Variants in KCNN3 observed in about 807,000 individuals in gnomAD.
KCNN3 encodes small conductance calcium-activated potassium channel protein 3.
Under a neutral mutation model 62.9 loss-of-function variants are expected in KCNN3, and 16 were observed. The observed-to-expected ratio is 0.25, with a 90% CI of 0.17 to 0.39. KCNN3 has a LOEUF of 0.39. Among genes scored for constraint, KCNN3 ranks in the 10% least tolerant of loss-of-function variants. KCNN3 has a pLI of 1.00. For synonymous variants in KCNN3, 370 were observed against 389.2 expected, an observed-to-expected ratio of 0.95 and a Z score of 0.58; for missense variants, 599 against 949.4, an observed-to-expected ratio of 0.63 and a Z score of 4.85.
chr1:154,760,208 T>C (rs1272617414), intron 3 of KCNN3, among the ~76,000 whole-genome samples: 1 of 151,828 alleles, frequency 6.6e-6, no homozygotes, highest in East Asian at 1.9e-4. Context: ...TTCTCCTTTC[T>C]AAGAGATATC....
At chr1:154,760,876 C>CGCGAAGAAGCACTCCGGCCCT (rs1323913697) in intron 3 of KCNN3, among the ~76,000 whole-genome samples, 26 of 152,100 alleles carry the variant, frequency 1.7e-4, no homozygotes, top group Non-Finnish European at 3.2e-4. Flanking sequence ...ACTCCGGCCC[C>CGCGAAGAAGCACTCCGGCCCT]GCAAAGGCGC....
chr1:154,797,602 G>A (rs1023975865), intron 2 of KCNN3, among the ~76,000 whole-genome samples: 1 of 152,268 alleles, frequency 6.6e-6, no homozygotes, highest in East Asian at 1.9e-4. Flanking sequence ...GCCTGTCCCT[G>A]TGCCTTCCCA....
chr1:154,731,994 C>A (rs113694228), intron 4 of KCNN3, among the ~76,000 whole-genome samples: 11 of 152,314 alleles, frequency 7.2e-5, no homozygotes, highest in African/African-American at 1.9e-4. Flanking sequence ...CAATGAGGCC[C>A]AGGGAACACT....
At position 154,851,124 on chromosome 1, in the gene KCNN3, G is replaced by A. The variant is rs770685047; in HGVS notation, c.933+17908C>T. ...CTCCCGAGTAGCTGGGACTACAGGC[G>A]TGCACCACCATGCCCGGCTAATTTT... is the stretch of plus-strand genomic sequence containing the variant. On this transcript the variant is annotated intron_variant, in intron 1 of 7. Transcript: ENST00000271915. 3.9e-4 allele frequency among the ~76,000 whole-genome samples: 59 copies of A among 152,100 alleles called. 1 individual carries two copies. The highest frequency in any genetic ancestry group is 7.4e-4 in the Non-Finnish European group (50 of 68,016).
At chr1:154,737,803 C>G (rs941142298) in intron 3 of KCNN3, among the ~76,000 whole-genome samples, 1 of 152,146 alleles carries the variant, frequency 6.6e-6, no homozygotes, top group Non-Finnish European at 1.5e-5. Flanking sequence ...GTGCCTGTAT[C>G]CCCCAGCTGC....
At chr1:154,795,812 G>C (rs998167360) in intron 2 of KCNN3, among the ~76,000 whole-genome samples, 5 of 152,152 alleles carry the variant, frequency 3.3e-5, no homozygotes, top group African/African-American at 1.2e-4. Context: ...GGGCACAGGG[G>C]ACTCCAGGGT....
At chr1:154,722,418 C>T (rs373812586) in intron 5 of KCNN3, among the ~76,000 whole-genome samples, 3 of 142,956 alleles carry the variant, frequency 2.1e-5, no homozygotes, top group African/African-American at 5.2e-5. Context: ...GATGGAGTCT[C>T]GCTCAGTTGC....
rs564861358 is a variant in KCNN3 at position 154,708,144 on chromosome 1, G to A, written c.2028C>T (p.Leu676=). The A allele has an allele frequency of 5.0e-5, 81 of 1,613,776 alleles. No homozygotes were observed. In the South Asian group the frequency reaches 7.5e-4, roughly 15 times the overall value. ...LTASFNSLPL[L]IADTLRQQQQ... ...GCTGCTGGCGCAGGGTGTCGGCGAT[G>A]AGCAGCGGCAGGGAGTTGAAGCTGG... The change falls in exon 8 of 8, where the codon CTC becomes CTT. Residue 676 remains leucine, a synonymous_variant. Coordinates refer to ENST00000271915, the MANE Select transcript of KCNN3 (RefSeq NM_002249.6).
chr1:154,721,553 G>A (rs532450496), intron 5 of KCNN3, among the ~76,000 whole-genome samples: 172 of 152,072 alleles, frequency 1.1e-3, no homozygotes, highest in Non-Finnish European at 1.8e-3. Flanking sequence ...CGCCCACGTC[G>A]GCCTCGCAAA....
intron 2 of KCNN3, among the ~76,000 whole-genome samples, chr1:154,810,456 C>CAG (rs879930598): frequency 0.29 from 44,738 of 151,744 alleles, 8,722 homozygotes; most frequent in African/African-American, 0.57. Context: ...CCTAGCCTTC[C>CAG]TTGGGATCAG....
chr1:154,868,909 T>G, intron 1 of KCNN3, 123 bp downstream of exon 1: 1 of 866,316 alleles, frequency 1.2e-6, no homozygotes. Flanking sequence ...AATCTCTCTC[T>G]CTCTCTCTCT....
rs1352144975 is a variant in KCNN3 at position 154,710,294 on chromosome 1, CT to C, written c.1900-2023del. Among the ~76,000 whole-genome samples the C allele has an allele frequency of 6.6e-5, 10 of 152,316 alleles. No homozygotes were observed. The East Asian group carries it at 1.7e-3, about 26-fold the overall frequency. ...GAGAACACAGCGTTATTGTCTCCCC[CT>C]GTTCCGTTGCTTGGTGACAGGATGC... On this transcript the variant is annotated intron_variant, in intron 7 of 7. Coordinates refer to ENST00000271915, the MANE Select transcript of KCNN3 (RefSeq NM_002249.6).
intron 2 of KCNN3, among the ~76,000 whole-genome samples, chr1:154,805,348 C>A (rs956444789): frequency 2.6e-5 from 4 of 152,160 alleles, no homozygotes; most frequent in Non-Finnish European, 4.4e-5. Flanking sequence ...AAAATCGCCT[C>A]TATTCAATGC....
intron 2 of KCNN3, among the ~76,000 whole-genome samples, chr1:154,786,760 C>T (rs2101857149): frequency 6.6e-6 from 1 of 152,222 alleles, no homozygotes; most frequent in Non-Finnish European, 1.5e-5. Flanking sequence ...TGATTTTTTT[C>T]CTTTTGATAA....
At chr1:154,775,575 CA>C (rs1648755105) in intron 2 of KCNN3, among the ~76,000 whole-genome samples, 1 of 133,114 alleles carries the variant, frequency 7.5e-6, no homozygotes, top group African/African-American at 2.7e-5. Flanking sequence ...GCCCCCCACC[CA>C]CCCACCCATG....
intron 5 of KCNN3, 106 bp from the exon 6 acceptor site, chr1:154,715,109 T>C: frequency 1.5e-6 from 2 of 1,377,938 alleles, no homozygotes; most frequent in Admixed American, 1.7e-5. Flanking sequence ...TTTGCAATGA[T>C]CTATTTTCTT....
At chr1:154,722,849 A>C (rs1700385538) in intron 5 of KCNN3, among the ~76,000 whole-genome samples, 1 of 151,432 alleles carries the variant, frequency 6.6e-6, no homozygotes, top group Non-Finnish European at 1.5e-5. Context: ...CTCCTGCCTC[A>C]GCCTCCTGAG....
chr1:154,812,512 G>T (rs544491506), intron 2 of KCNN3, among the ~76,000 whole-genome samples: 6 of 152,044 alleles, frequency 3.9e-5, no homozygotes, highest in Non-Finnish European at 8.8e-5. Flanking sequence ...GCGGTGTTTG[G>T]TTTTTTGTCC....
intron 2 of KCNN3, 52 bp downstream of exon 2, chr1:154,822,037 G>A (rs374726414): frequency 7.0e-4 from 986 of 1,416,976 alleles, no homozygotes; most frequent in Non-Finnish European, 8.6e-4. Context: ...TCGGCTCAGA[G>A]CAAGGCCAAA....
Sources: allele counts gnomAD v4.1 joint callset (sites outside exome capture counted in the v4.1 genomes callset), GRCh38; gene constraint gnomAD v4.1.1; transcripts MANE v1.5; gene names NCBI Gene and HGNC (gene_info 2026-07-23, HGNC 2026-07-21).